The following CACNA2D4 variants were observed in gnomAD, a reference collection of about 807,000 sequenced individuals.
CACNA2D4 encodes the protein voltage-dependent calcium channel subunit alpha-2/delta-4.
In CACNA2D4, 157 loss-of-function variants were observed where a neutral mutation model predicts 163.8. The ratio of observed to expected loss-of-function variants is 0.96; its 90% CI spans 0.84 to 1.09. The LOEUF (loss-of-function observed/expected upper bound fraction) is 1.09. CACNA2D4 is among the 50% of genes least tolerant of loss of function. CACNA2D4 has a pLI of 0.00. For missense variants in CACNA2D4, 1,410 were observed against 1,479.9 expected, an observed-to-expected ratio of 0.95 and a Z score of 0.78; for synonymous variants, 598 against 586.9, an observed-to-expected ratio of 1.02 and a Z score of -0.27.
chr12:1,871,617 G>A (rs1350619021), intron 18 of CACNA2D4, among the ~76,000 whole-genome samples: 3 of 151,470 alleles, frequency 2.0e-5, no homozygotes, highest in African/African-American at 4.9e-5. Flanking sequence ...TGCCGCTCGT[G>A]TGTGCATGTG....
intron 18 of CACNA2D4, among the ~76,000 whole-genome samples, chr12:1,871,392 C>CAT (rs1555184085): frequency 2.2e-4 from 18 of 82,988 alleles, no homozygotes; most frequent in African/African-American, 4.0e-4. Context: ...TGTGTGTACA[C>CAT]GTGCTGCTGG....
At chr12:1,818,473 C>T (rs1863961131) in intron 26 of CACNA2D4, among the ~76,000 whole-genome samples, 2 of 151,832 alleles carry the variant, frequency 1.3e-5, no homozygotes, top group African/African-American at 4.9e-5. Context: ...GACCTTACTC[C>T]CAACCCTGTG....
rs752760214 is a variant in CACNA2D4 at position 1,884,938 on chromosome 12, G to A, written c.1158+49C>T. 14 of 1,598,722 alleles carry A rather than the reference G, an allele frequency of 8.8e-6. No homozygotes were observed. The South Asian group carries it at 1.3e-4, about 15-fold the overall frequency. On this transcript the variant is annotated intron_variant, in intron 10 of 37. Transcript: ENST00000382722. Reference sequence around the variant, plus strand: ...AGGCCAAGCCCACCCCCCTCCACCTGCCGCCTTCCTCCCAGTCCTCCCCTC... The same window carrying A: ...AGGCCAAGCCCACCCCCCTCCACCTACCGCCTTCCTCCCAGTCCTCCCCTC...
At chr12:1,900,322 A>T (rs1866506849) in intron 6 of CACNA2D4, among the ~76,000 whole-genome samples, 1 of 152,070 alleles carries the variant, frequency 6.6e-6, no homozygotes, top group Non-Finnish European at 1.5e-5. Flanking sequence ...TTTGGTGGAG[A>T]TGAGGTCTCA....
chr12:1,918,588 G>T lies in CACNA2D4; in HGVS notation c.-115C>A. ...TCCTGGGTGGGGAGGGCTTCTCTCTGCCCCACAGCTGCAGCTCACAGAAGA... is the reference window on the plus strand; with the variant it reads ...TCCTGGGTGGGGAGGGCTTCTCTCTTCCCCACAGCTGCAGCTCACAGAAGA... On this transcript the variant is annotated 5_prime_UTR_variant, in exon 1 of 38. Coordinates refer to ENST00000382722, the MANE Select transcript of CACNA2D4 (RefSeq NM_172364.5). 2 of 745,186 alleles carry T rather than the reference G, an allele frequency of 2.7e-6. No homozygotes were observed. The highest frequency in any genetic ancestry group is 4.4e-6 in the Non-Finnish European group (2 of 452,530). The allele number at this position is 745,186 out of a possible 1,614,324, so 46.2% of individuals were successfully genotyped here.
At chr12:1,801,021 G>T (rs953096588) in intron 31 of CACNA2D4, 22 bp downstream of exon 31, 2 of 1,610,474 alleles carry the variant, frequency 1.2e-6, no homozygotes, top group Non-Finnish European at 1.7e-6. Flanking sequence ...GCTGGCAGAG[G>T]GAAGGGCTGG....
chr12:1,846,995 G>T (rs1313951388), intron 23 of CACNA2D4, among the ~76,000 whole-genome samples: 1 of 152,224 alleles, frequency 6.6e-6, no homozygotes, highest in Non-Finnish European at 1.5e-5. Context: ...GTTCGATCTA[G>T]AAGATGGAAC....
chr12:1,879,546 G>T (rs1245217635), intron 14 of CACNA2D4, among the ~76,000 whole-genome samples: 1 of 152,172 alleles, frequency 6.6e-6, no homozygotes, highest in Non-Finnish European at 1.5e-5. Flanking sequence ...CAAGGCAGGG[G>T]TCCCAACTGC....
chr12:1,902,089 C>T (rs998647119), intron 6 of CACNA2D4, among the ~76,000 whole-genome samples: 1 of 151,848 alleles, frequency 6.6e-6, no homozygotes, highest in South Asian at 2.1e-4. Context: ...ATACATCTTA[C>T]CAACAGAAAG....
intron 6 of CACNA2D4, among the ~76,000 whole-genome samples, chr12:1,887,485 C>A (rs976877639): frequency 1.3e-5 from 2 of 152,238 alleles, no homozygotes; most frequent in African/African-American, 4.8e-5. Context: ...AGCTCATTAG[C>A]ACTCAGGATC....
At chr12:1,795,157 C>T (rs1410155695) in intron 37 of CACNA2D4, 142 bp downstream of exon 37, 3 of 664,076 alleles carry the variant, frequency 4.5e-6, no homozygotes, top group South Asian at 1.8e-5. Flanking sequence ...AGGGCATAAA[C>T]GCGAATGTTT....
chr12:1,800,065 G>C lies in CACNA2D4; in HGVS notation c.2922-13C>G. 1 of 1,594,684 alleles carries C rather than the reference G, an allele frequency of 6.3e-7. No homozygotes were observed. The highest frequency in any genetic ancestry group is 8.5e-7 in the Non-Finnish European group (1 of 1,170,660). On this transcript the variant is annotated splice_polypyrimidine_tract_variant and intron_variant, in intron 32 of 37. Coordinates refer to ENST00000382722, the MANE Select transcript of CACNA2D4 (RefSeq NM_172364.5). Reference sequence around the variant, plus strand: ...CTCCAGCAGGAACCTGTCAGACACAGGACTGAATCTCGGAGACCTCTGAGC... The same window carrying C: ...CTCCAGCAGGAACCTGTCAGACACACGACTGAATCTCGGAGACCTCTGAGC...
chr12:1,888,974 C>G (rs146981928), intron 6 of CACNA2D4, among the ~76,000 whole-genome samples: 4 of 152,214 alleles, frequency 2.6e-5, no homozygotes, highest in African/African-American at 9.6e-5. Flanking sequence ...TAAACAAATA[C>G]CACGAAGGCA....
At chr12:1,871,076 C>T (rs1031815945) in intron 18 of CACNA2D4, among the ~76,000 whole-genome samples, 1 of 151,210 alleles carries the variant, frequency 6.6e-6, no homozygotes, top group Non-Finnish European at 1.5e-5. Context: ...TGTGTACGCA[C>T]GTGTTGCTGG....
Position 1,886,267 on chromosome 12 carries a change from T to C in CACNA2D4, c.949A>G (p.Ile317Val). The C allele has an allele frequency of 6.2e-7, 1 of 1,613,610 alleles. No homozygotes were observed. The highest frequency in any genetic ancestry group is 8.5e-7 in the Non-Finnish European group (1 of 1,179,558). Residue 317 changes from isoleucine to valine, a missense_variant, in exon 8 of 38, where the codon ATC becomes GTC. Transcript: ENST00000382722. ...MTIAKHTITT[I>V]LDTLGENDFI... ...TCATTCTCCCCCAGGGTGTCCAAGA[T>C]GGTGGTGATGGTGTGCTTGGCAATA...
chr12:1,811,186 A>G (rs1225353555), intron 27 of CACNA2D4, among the ~76,000 whole-genome samples: 1 of 152,136 alleles, frequency 6.6e-6, no homozygotes, highest in Non-Finnish European at 1.5e-5. Flanking sequence ...AGGGAGCTTG[A>G]GGGAGATGAA....
intron 29 of CACNA2D4, among the ~76,000 whole-genome samples, chr12:1,805,320 G>T (rs1304385654): frequency 6.6e-6 from 1 of 152,180 alleles, no homozygotes; most frequent in Non-Finnish European, 1.5e-5. Context: ...TCCCTCCCAG[G>T]CCTGGACTAA....
chr12:1,837,476 G>C (rs1592700692), intron 26 of CACNA2D4, among the ~76,000 whole-genome samples: 1 of 152,278 alleles, frequency 6.6e-6, no homozygotes, highest in East Asian at 1.9e-4. Flanking sequence ...GAGACTCTGG[G>C]GTTATAAGCA....
Position 1,875,917 on chromosome 12 carries a change from G to A in CACNA2D4, c.1720-580C>T, listed in dbSNP as rs1286427800. On this transcript the variant is annotated intron_variant, in intron 16 of 37. Transcript: ENST00000382722. The surrounding 1 kb of genome is among the most constrained non-coding windows in gnomAD (Gnocchi z 4.0). ...ATGGGGTCTGACCAGTGTGGCGTGG[G>A]CTGTGATCTGTGCACTAAGGCGTCA... 6.6e-6 allele frequency among the ~76,000 whole-genome samples: 1 copy of A among 152,182 alleles called. No individual in the cohort carries two copies. The highest frequency in any genetic ancestry group is 2.4e-5 in the African/African-American group (1 of 41,440).
Sources: allele counts gnomAD v4.1 joint callset (sites outside exome capture counted in the v4.1 genomes callset), GRCh38; gene constraint gnomAD v4.1.1; non-coding constraint Gnocchi (gnomAD v3.1); transcripts MANE v1.5; gene names NCBI Gene and HGNC (gene_info 2026-07-23, HGNC 2026-07-21).